The following MSH3 variants were observed in gnomAD, a reference collection of about 807,000 sequenced individuals.
MSH3 encodes the protein DNA mismatch repair protein Msh3.
In MSH3, 106 loss-of-function variants were observed where a neutral mutation model predicts 123.3. The ratio of observed to expected loss-of-function variants is 0.86; its 90% confidence interval spans 0.73 to 1.01. The LOEUF (loss-of-function observed/expected upper bound fraction) is 1.01. Ranked by LOEUF, MSH3 falls within the 50% of genes least tolerant of loss-of-function variation. MSH3 has a pLI of 0.00. For synonymous variants in MSH3, 515 were observed against 481.4 expected (o/e 1.07, Z -0.91); for missense variants, 1,459 against 1,347.6 (o/e 1.08, Z -1.29).
chr5:80,692,614 A>G (rs1434589122), intron 8 of MSH3, among the ~76,000 whole-genome samples: 3 of 147,046 alleles, frequency 2.0e-5, no homozygotes, highest in African/African-American at 4.9e-5. Context: ...ATAGATGAAT[A>G]TATATAAACA....
chr5:80,806,169 G>T (rs189178398), intron 19 of MSH3, among the ~76,000 whole-genome samples: 1,658 of 152,234 alleles, frequency 0.011, 28 homozygotes, highest in African/African-American at 0.038. Flanking sequence ...CGCGATCTCG[G>T]CTCACAGCAA....
At chr5:80,714,130 CTTTTTTT>C (rs34918629) in intron 8 of MSH3, among the ~76,000 whole-genome samples, 110 of 85,828 alleles carry the variant, frequency 1.3e-3, no homozygotes, top group Non-Finnish European at 1.9e-3. Flanking sequence ...TTCAAATAGA[CTTTTTTT>C]TTTTTTTTTT....
chr5:80,683,904 T>C (rs758110387), intron 8 of MSH3, among the ~76,000 whole-genome samples: 100 of 152,216 alleles, frequency 6.6e-4, no homozygotes, highest in Non-Finnish European at 1.2e-3. Context: ...GTTCTGCATA[T>C]GGATGTCCAG....
intron 8 of MSH3, among the ~76,000 whole-genome samples, chr5:80,720,700 GTTA>G (rs973783832): frequency 3.7e-4 from 56 of 151,914 alleles, no homozygotes; most frequent in African/African-American, 1.3e-3. Context: ...CTGTAGAGAT[GTTA>G]TTATGTTTTT....
Position 80,729,430 on chromosome 5 carries a change from A to ATGTGTG in MSH3, c.1568+491_1568+496dup, listed in dbSNP as rs71594671. 5.0e-3 allele frequency among the ~76,000 whole-genome samples: 393 copies of ATGTGTG among 78,278 alleles called. 4 individuals are homozygous for ATGTGTG. The highest frequency in any genetic ancestry group is 0.015 in the Middle Eastern group (2 of 130). 51.4% of individuals were successfully genotyped at this position (78,278 alleles called of 152,430 possible). On this transcript the variant is annotated intron_variant, in intron 10 of 23. Coordinates refer to ENST00000265081, the MANE Select transcript of MSH3 (RefSeq NM_002439.5). Reference sequence around the variant, plus strand: ...CTCCGTCCCAAAAAAAAAAAAAAAAATGTGTGTGTGTGTGTGTGTGTGTGT... The same window carrying ATGTGTG: ...CTCCGTCCCAAAAAAAAAAAAAAAAATGTGTGTGTGTGTGTGTGTGTGTGTGTGTGT...
chr5:80,749,137 A>T (rs1743780719), intron 12 of MSH3, among the ~76,000 whole-genome samples: 1 of 152,182 alleles, frequency 6.6e-6, no homozygotes, highest in Admixed American at 6.5e-5. Flanking sequence ...GTATATAAGG[A>T]GTATTGACTT....
intron 8 of MSH3, among the ~76,000 whole-genome samples, chr5:80,699,134 C>T (rs537407426): frequency 6.6e-6 from 1 of 152,172 alleles, no homozygotes; most frequent in East Asian, 1.9e-4. Flanking sequence ...AAGTAGCTCA[C>T]ACATAATAGG....
intron 19 of MSH3, among the ~76,000 whole-genome samples, chr5:80,805,314 A>G (rs1744867690): frequency 6.6e-6 from 1 of 152,184 alleles, no homozygotes; most frequent in South Asian, 2.1e-4. Context: ...CAGGCAAGCC[A>G]TTTTAGAAGG....
intron 2 of MSH3, among the ~76,000 whole-genome samples, chr5:80,664,903 G>GA (rs567591775): frequency 1.3e-5 from 2 of 151,306 alleles, no homozygotes; most frequent in East Asian, 1.9e-4. Flanking sequence ...AAACAAAAAA[G>GA]AAAAAAAACC....
chr5:80,745,669 T>C (rs1178447930), intron 12 of MSH3, among the ~76,000 whole-genome samples: 1 of 152,218 alleles, frequency 6.6e-6, no homozygotes, highest in Non-Finnish European at 1.5e-5. Flanking sequence ...GTCAGCTGAG[T>C]GAGTCACTCC....
At chr5:80,833,157 G>T (rs1745448838) in intron 20 of MSH3, among the ~76,000 whole-genome samples, 2 of 152,010 alleles carry the variant, frequency 1.3e-5, no homozygotes, top group South Asian at 4.1e-4. Flanking sequence ...AGGGGGATTA[G>T]AAAGATTAGT....
At chr5:80,710,310 T>A (rs1750833345) in intron 8 of MSH3, among the ~76,000 whole-genome samples, 1 of 152,230 alleles carries the variant, frequency 6.6e-6, no homozygotes, top group African/African-American at 2.4e-5. Flanking sequence ...GCACACTATG[T>A]CATACAGCCT....
At chr5:80,824,369 C>T (rs1372667123) in intron 20 of MSH3, among the ~76,000 whole-genome samples, 2 of 151,136 alleles carry the variant, frequency 1.3e-5, no homozygotes, top group Non-Finnish European at 3.0e-5. Flanking sequence ...GTGGGGGCTG[C>T]CCCCCACCTC....
At position 80,664,862 on chromosome 5, in the gene MSH3, C is replaced by CT. The variant is rs567647457; in HGVS notation, c.359-279dup. On this transcript the variant is annotated intron_variant, in intron 2 of 23. Transcript: ENST00000265081. ...GCAGTTGTTACCTCTCCTCTCTGTC[C>CT]TTATGGGCTTATGTCTTCAAAAAAA... 4.2e-4 allele frequency among the ~76,000 whole-genome samples: 63 copies of CT among 151,314 alleles called. 2 individuals carry two copies. In the East Asian group the frequency reaches 0.011, roughly 26 times the overall value.
chr5:80,754,596 A>G (rs962229746), intron 12 of MSH3, among the ~76,000 whole-genome samples: 1 of 152,206 alleles, frequency 6.6e-6, no homozygotes, highest in Non-Finnish European at 1.5e-5. Context: ...TAATACCTTT[A>G]TAAGTCAAAT....
intron 8 of MSH3, among the ~76,000 whole-genome samples, chr5:80,723,042 A>C: frequency 6.6e-6 from 1 of 152,040 alleles, no homozygotes. Context: ...GAGGTCGATG[A>C]TGCTGCAATG....
chr5:80,870,798 A>C (rs1024903678), intron 22 of MSH3, among the ~76,000 whole-genome samples: 1 of 152,248 alleles, frequency 6.6e-6, no homozygotes, highest in Non-Finnish European at 1.5e-5. Context: ...TGATAAAAGA[A>C]GAAAAGCATA....
At chr5:80,657,404 G>A (rs1035253526) in intron 2 of MSH3, among the ~76,000 whole-genome samples, 2 of 152,188 alleles carry the variant, frequency 1.3e-5, no homozygotes, top group African/African-American at 4.8e-5. Flanking sequence ...TTGTGCCACT[G>A]CACTCCACCC....
At chr5:80,683,480 A>G (rs1249233888) in intron 8 of MSH3, among the ~76,000 whole-genome samples, 2 of 152,154 alleles carry the variant, frequency 1.3e-5, no homozygotes, top group African/African-American at 2.4e-5. Flanking sequence ...AGCTTTTCAC[A>G]TACCAGGCTG....
Sources: allele counts gnomAD v4.1 joint callset (sites outside exome capture counted in the v4.1 genomes callset), GRCh38; gene constraint gnomAD v4.1.1; transcripts MANE v1.5; gene names NCBI Gene and HGNC (gene_info 2026-07-23, HGNC 2026-07-21).